Variants in SIPA1L3 observed in about 807,000 individuals in gnomAD.
The protein encoded by SIPA1L3 is signal induced proliferation associated 1 like 3, also known as signal-induced proliferation-associated 1-like protein 3.
SIPA1L3 carries 59 observed loss-of-function variants against 150.1 expected under a neutral mutation model. The observed-to-expected ratio is 0.39, with a 90% CI of 0.32 to 0.49. The LOEUF is 0.49. Ranked by LOEUF, SIPA1L3 falls within the 20% of genes least tolerant of loss-of-function variation. The pLI, the probability that SIPA1L3 is intolerant of heterozygous loss-of-function variation, is 0.86. For synonymous variants in SIPA1L3, 1,070 were observed against 1,077.6 expected (o/e 0.99, Z 0.14); for missense variants, 2,211 against 2,489.5 (o/e 0.89, Z 2.38).
At chr19:37,945,879 G>A (rs529946362) in intron 1 of SIPA1L3, among the ~76,000 whole-genome samples, 41 of 152,250 alleles carry the variant, frequency 2.7e-4, no homozygotes, top group African/African-American at 9.9e-4. Context: ...TTGTGGCTGG[G>A]CGTGGTGGCT....
intron 2 of SIPA1L3, among the ~76,000 whole-genome samples, chr19:38,068,059 T>G (rs1969635867): frequency 1.3e-5 from 2 of 150,734 alleles, no homozygotes; most frequent in South Asian, 4.2e-4. Context: ...GTCTCACTCT[T>G]TTGCCCAGGC....
Position 38,055,230 on chromosome 19 carries a change from T to C in SIPA1L3, c.-310-26026T>C, listed in dbSNP as rs570271633. ...GCCGTGGCTTCAGTAAGGCAACAGG[T>C]GGTCTCTTACACATGAGAAGAAAAG... On this transcript the variant is annotated intron_variant, in intron 2 of 21. Coordinates refer to ENST00000222345, the MANE Select transcript of SIPA1L3 (RefSeq NM_015073.3). Among the ~76,000 whole-genome samples the C allele has an allele frequency of 6.6e-5, 10 of 152,072 alleles. No homozygotes were observed. In the South Asian group the frequency reaches 1.9e-3, roughly 28 times the overall value.
chr19:38,117,993 A>C (rs375674644), intron 8 of SIPA1L3, among the ~76,000 whole-genome samples: 5 of 152,120 alleles, frequency 3.3e-5, no homozygotes, highest in African/African-American at 1.2e-4. Flanking sequence ...TCAGATTTTG[A>C]TAGCGCCTCC....
intron 1 of SIPA1L3, among the ~76,000 whole-genome samples, chr19:37,971,259 G>A (rs1168744363): frequency 3.9e-5 from 6 of 152,132 alleles, no homozygotes; most frequent in South Asian, 2.1e-4. Flanking sequence ...GGGAGTGCAG[G>A]TGTGAGCCAC....
chr19:38,122,843 G>T (rs931451727), intron 9 of SIPA1L3, among the ~76,000 whole-genome samples: 1 of 152,128 alleles, frequency 6.6e-6, no homozygotes, highest in East Asian at 1.9e-4. Context: ...CCTCCTACAG[G>T]CCTTTGGTCA....
chr19:37,956,914 A>G (rs1568478678), intron 1 of SIPA1L3, among the ~76,000 whole-genome samples: 2 of 152,200 alleles, frequency 1.3e-5, no homozygotes, highest in Non-Finnish European at 2.9e-5. Flanking sequence ...TTCTCCTAGA[A>G]GTTGCATACT....
chr19:38,088,037 G>A (rs1045676853), intron 3 of SIPA1L3, among the ~76,000 whole-genome samples: 8 of 152,196 alleles, frequency 5.3e-5, no homozygotes. Context: ...AAGCAGTGTT[G>A]AAGTTACCTA....
intron 10 of SIPA1L3, among the ~76,000 whole-genome samples, chr19:38,137,820 A>C (rs1335778726): frequency 6.6e-6 from 1 of 152,056 alleles, no homozygotes; most frequent in East Asian, 1.9e-4. Context: ...TCTTAGCCCA[A>C]GATGAAGCCA....
chr19:38,068,222 G>T (rs1969640622), intron 2 of SIPA1L3, among the ~76,000 whole-genome samples: 1 of 151,848 alleles, frequency 6.6e-6, no homozygotes, highest in African/African-American at 2.4e-5. Flanking sequence ...GTAGAGACGG[G>T]GTTTCACCGT....
At chr19:38,124,781 C>T (rs2090557319) in intron 9 of SIPA1L3, among the ~76,000 whole-genome samples, 1 of 152,208 alleles carries the variant, frequency 6.6e-6, no homozygotes, top group African/African-American at 2.4e-5. Context: ...TGGCGGATCA[C>T]TCGCGGTTAG....
chr19:37,966,276 A>G (rs1479126805), intron 1 of SIPA1L3, among the ~76,000 whole-genome samples: 1 of 152,138 alleles, frequency 6.6e-6, no homozygotes, highest in Non-Finnish European at 1.5e-5. Context: ...CCAGCTTGCC[A>G]CAGTGGCCTC....
At chr19:37,920,553 C>CT (rs571767995) in intron 1 of SIPA1L3, among the ~76,000 whole-genome samples, 26 of 152,192 alleles carry the variant, frequency 1.7e-4, no homozygotes, top group East Asian at 1.5e-3. Context: ...TTATTATACT[C>CT]TTTTTTTGCC....
chr19:38,198,427 C>T lies in SIPA1L3; in HGVS notation c.4879C>T (p.Arg1627Trp), dbSNP rs61729138. 5.0e-4 allele frequency: 799 copies of T among 1,593,066 alleles called. 2 individuals are homozygous for T. Among genetic ancestry groups the T allele is most frequent in the Admixed American group, 5.8e-4 (33 of 57,056 alleles). The change falls in exon 19 of 22, where the codon CGG becomes TGG. Residue 1627 changes from arginine (R) to tryptophan (W), a missense_variant. Coordinates refer to ENST00000222345, the MANE Select transcript of SIPA1L3 (RefSeq NM_015073.3). ...CTCGGAGCTCTCGCTGGCTGATGGG[C>T]GGGACCGCCCCCTGCGGCGCCTGGA... Reference protein sequence around the residue: ...SASELSLADGRDRPLRRLDPG... With the variant: ...SASELSLADGWDRPLRRLDPG...
At chr19:38,038,965 C>T (rs944484257) in intron 2 of SIPA1L3, among the ~76,000 whole-genome samples, 1 of 152,170 alleles carries the variant, frequency 6.6e-6, no homozygotes, top group African/African-American at 2.4e-5. Flanking sequence ...CTCACCACAA[C>T]CTCCGCCTCC....
chr19:38,071,819 G>A (rs1048690840), intron 2 of SIPA1L3, among the ~76,000 whole-genome samples: 1 of 152,206 alleles, frequency 6.6e-6, no homozygotes, highest in African/African-American at 2.4e-5. Context: ...CTGAGCATCT[G>A]GGGTCATTTG....
At chr19:37,973,546 A>C (rs1157420567) in intron 1 of SIPA1L3, among the ~76,000 whole-genome samples, 1 of 125,202 alleles carries the variant, frequency 8.0e-6, no homozygotes, top group Non-Finnish European at 1.6e-5. Flanking sequence ...AAAAAAAAAA[A>C]AAAAAAAAGC....
At chr19:38,157,800 G>A in intron 13 of SIPA1L3, among the ~76,000 whole-genome samples, 1 of 152,202 alleles carries the variant, frequency 6.6e-6, no homozygotes, top group East Asian at 1.9e-4. Context: ...GCATTCAACT[G>A]ATGATGCCAC....
intron 2 of SIPA1L3, among the ~76,000 whole-genome samples, chr19:38,042,776 C>T (rs1339164079): frequency 1.3e-5 from 2 of 152,180 alleles, no homozygotes; most frequent in Non-Finnish European, 2.9e-5. Context: ...AGTGTTTGAC[C>T]TTCCTGCGTG....
intron 1 of SIPA1L3, among the ~76,000 whole-genome samples, chr19:37,957,637 T>C (rs537653913): frequency 6.6e-6 from 1 of 152,056 alleles, no homozygotes; most frequent in East Asian, 1.9e-4. Context: ...CCTTTTGGGC[T>C]CAAGCAGCCC....
Sources: gnomAD v4.1 joint callset for allele counts (sites outside exome capture counted in the v4.1 genomes callset) on GRCh38, gnomAD v4.1.1 for gene constraint, MANE v1.5 for transcripts, NCBI Gene and HGNC (gene_info 2026-07-23, HGNC 2026-07-21) for gene names.